Variants in TANGO2 observed in about 807,000 individuals in gnomAD.
TANGO2 encodes the protein transport and Golgi organization protein 2 homolog.
In TANGO2, 26 loss-of-function variants were observed where a neutral mutation model predicts 39.1. The observed-to-expected ratio is 0.67, with a 90% CI of 0.49 to 0.92. The LOEUF (loss-of-function observed/expected upper bound fraction) is 0.92. Ranked by LOEUF, TANGO2 falls within the 40% of genes least tolerant of loss-of-function variation. The probability of loss-of-function intolerance (pLI) is 0.00; values close to 1 mark genes in which losing one functional copy is unlikely to be tolerated. For synonymous variants in TANGO2, 131 were observed against 144.5 expected (o/e 0.91, Z 0.67); for missense variants, 326 against 360.1 (o/e 0.91, Z 0.77).
intron 5 of TANGO2, 143 bp downstream of exon 5, chr22:20,053,694 AG>A (rs890094066): frequency 5.8e-6 from 4 of 683,816 alleles, no homozygotes; most frequent in African/African-American, 5.3e-5. Flanking sequence ...AAACATTCTG[AG>A]GACTGAGCCT....
chr22:20,029,290 G>A (rs901745145), intron 1 of TANGO2, among the ~76,000 whole-genome samples: 1 of 152,208 alleles, frequency 6.6e-6, no homozygotes, highest in Non-Finnish European at 1.5e-5. Context: ...AGAAGCAGAA[G>A]GTGGGCAGAG....
chr22:20,033,250 C>G (rs1371026008), intron 1 of TANGO2: 1 of 526,114 alleles, frequency 1.9e-6, no homozygotes, highest in South Asian at 1.4e-5. Flanking sequence ...GGCCACAGCC[C>G]TTGGCTCTGC....
In TANGO2 at chr22:20,064,805, G is replaced by A. The variant is rs1328476896; in HGVS notation, c.*143G>A. 1.3e-5 allele frequency: 14 copies of A among 1,070,334 alleles called. No individual in the cohort carries two copies. Among genetic ancestry groups the A allele is most frequent in the South Asian group, 3.3e-5 (2 of 61,130 alleles). 66.3% of individuals were successfully genotyped at this position (1,070,334 alleles called of 1,614,324 possible). A position where few individuals can be genotyped will look rare whatever the true frequency, so the allele number is the denominator to read the frequency against. ...CCCGGATCAGGGCCCTGTGGTTTGC[G>A]TGTTACCCATCTGTGTCCCCATGCC... On this transcript the variant is annotated 3_prime_UTR_variant, in exon 9 of 9. Transcript: ENST00000327374.
intron 2 of TANGO2, among the ~76,000 whole-genome samples, chr22:20,038,717 G>A (rs1345505272): frequency 1.3e-5 from 2 of 152,150 alleles, no homozygotes; most frequent in African/African-American, 2.4e-5. Context: ...GAGGGTGTGA[G>A]ACACTTCTGG....
At chr22:20,045,272 CAA>C (rs695778) in intron 3 of TANGO2, among the ~76,000 whole-genome samples, 70 of 121,200 alleles carry the variant, frequency 5.8e-4, no homozygotes, top group Admixed American at 1.2e-3. Flanking sequence ...CCTGTCTTTA[CAA>C]AAAAAAAAAA....
In TANGO2 at chr22:20,066,824, C is replaced by T. The variant is rs2049232663; in HGVS notation, c.*2162C>T. 6.6e-6 allele frequency among the ~76,000 whole-genome samples: 1 copy of T among 152,134 alleles called. No individual in the cohort carries two copies. The highest frequency in any genetic ancestry group is 2.1e-4 in the South Asian group (1 of 4,824). On this transcript the variant is annotated 3_prime_UTR_variant, in exon 9 of 9. Transcript: ENST00000327374. ...TCATGAAGAGCCCCCCGGATGTTCACCTCTGCCCAGAGACCCGGCCTGCCC... is the reference window on the plus strand; with the variant it reads ...TCATGAAGAGCCCCCCGGATGTTCATCTCTGCCCAGAGACCCGGCCTGCCC...
intron 2 of TANGO2, among the ~76,000 whole-genome samples, chr22:20,038,183 C>T (rs1433260022): frequency 6.6e-6 from 1 of 152,174 alleles, no homozygotes; most frequent in African/African-American, 2.4e-5. Context: ...GGTGTGTATA[C>T]AGAGATAGAA....
chr22:20,022,410 C>T (rs1393993950), intron 1 of TANGO2, among the ~76,000 whole-genome samples: 1 of 152,124 alleles, frequency 6.6e-6, no homozygotes, highest in Non-Finnish European at 1.5e-5. Context: ...TCTGGTGGTC[C>T]AGGGTAGGGT....
chr22:20,054,159 G>A (rs535942130), intron 5 of TANGO2: 4 of 232,440 alleles, frequency 1.7e-5, no homozygotes, highest in East Asian at 1.3e-4. Context: ...CCTGGCTCCC[G>A]AGCTCCAGGC....
intron 5 of TANGO2, chr22:20,055,025 C>G (rs1004609950): frequency 6.6e-6 from 1 of 152,190 alleles, no homozygotes; most frequent in Non-Finnish European, 1.5e-5. Context: ...TTGAAGCCTA[C>G]CAGGGGTGGG....
intron 1 of TANGO2, among the ~76,000 whole-genome samples, chr22:20,030,221 G>A (rs1363953795): frequency 6.7e-6 from 1 of 149,234 alleles, no homozygotes; most frequent in Non-Finnish European, 1.5e-5. Flanking sequence ...AGGCTGGAGT[G>A]CAATGGCACG....
At chr22:20,038,065 G>A (rs979775528) in intron 2 of TANGO2, among the ~76,000 whole-genome samples, 3 of 152,142 alleles carry the variant, frequency 2.0e-5, no homozygotes, top group African/African-American at 7.2e-5. Context: ...CTCCAGCATG[G>A]GCAACAGAGC....
chr22:20,028,077 C>T (rs1300144145), intron 1 of TANGO2, among the ~76,000 whole-genome samples: 1 of 151,870 alleles, frequency 6.6e-6, no homozygotes, highest in Non-Finnish European at 1.5e-5. Flanking sequence ...GGGATTACAG[C>T]CATGAGCCAC....
At chr22:20,036,502 A>G (rs1004002848) in intron 1 of TANGO2, among the ~76,000 whole-genome samples, 7 of 151,984 alleles carry the variant, frequency 4.6e-5, no homozygotes, top group East Asian at 1.9e-4. Flanking sequence ...TAAGACTACC[A>G]TGGTGCTGAT....
At chr22:20,055,397 C>G (rs1041292139) in intron 5 of TANGO2, 1 of 165,388 alleles carries the variant, frequency 6.0e-6, no homozygotes, top group East Asian at 1.6e-4. Context: ...TTAGCTGGGA[C>G]TATAGGCATG....
upstream of TANGO2, chr22:20,017,060 G>T (rs1325183633): frequency 6.6e-6 from 1 of 152,128 alleles, no homozygotes; most frequent in Non-Finnish European, 1.5e-5. Context: ...GGCAGGGTAC[G>T]CGGGACCGCT....
At chr22:20,033,978 G>A (rs1207536077) in intron 1 of TANGO2, among the ~76,000 whole-genome samples, 1 of 152,200 alleles carries the variant, frequency 6.6e-6, no homozygotes, top group African/African-American at 2.4e-5. Flanking sequence ...GGCCGAGGTG[G>A]GTGGATCACC....
intron 1 of TANGO2, among the ~76,000 whole-genome samples, chr22:20,032,738 G>A (rs1439271435): frequency 2.0e-5 from 3 of 152,216 alleles, no homozygotes; most frequent in Admixed American, 2.0e-4. Context: ...GCAACCTTGA[G>A]GGCGAGCTCT....
intron 3 of TANGO2, among the ~76,000 whole-genome samples, chr22:20,051,461 G>A (rs2046333758): frequency 6.6e-6 from 1 of 152,052 alleles, no homozygotes; most frequent in Non-Finnish European, 1.5e-5. Context: ...AACCCAGGAG[G>A]GAGAGGTTGC....
Sources: allele counts gnomAD v4.1 joint callset (sites outside exome capture counted in the v4.1 genomes callset), GRCh38; gene constraint gnomAD v4.1.1; transcripts MANE v1.5; gene names NCBI Gene and HGNC (gene_info 2026-07-23, HGNC 2026-07-21).